CRPPA: variants seen among roughly 807,000 people sequenced by gnomAD.
CRPPA encodes CDP-L-ribitol pyrophosphorylase A.
A neutral mutation model predicts 52.0 loss-of-function variants in CRPPA; 43 were observed. That is an observed-to-expected ratio of 0.83 (90% CI 0.65 to 1.07). The LOEUF is 1.07. CRPPA is among the 50% of genes least tolerant of loss of function. CRPPA has a pLI of 0.00. For synonymous variants in CRPPA, 250 were observed against 203.5 expected (o/e 1.23, Z -1.94); for missense variants, 629 against 551.7 (o/e 1.14, Z -1.40).
At chr7:16,168,945 C>G (rs1397642427) in intron 9 of CRPPA, among the ~76,000 whole-genome samples, 1 of 152,106 alleles carries the variant, frequency 6.6e-6, no homozygotes, top group Non-Finnish European at 1.5e-5. Flanking sequence ...AGGGGCTTCT[C>G]AAAATCACAA....
intron 3 of CRPPA, among the ~76,000 whole-genome samples, chr7:16,311,646 T>C (rs778386560): frequency 1.4e-4 from 22 of 152,148 alleles, no homozygotes; most frequent in Non-Finnish European, 2.8e-4. Context: ...TGCAGGGTTT[T>C]AATGTGGACA....
chr7:16,102,888 A>G (rs1017978433), intron 9 of CRPPA, among the ~76,000 whole-genome samples: 108 of 152,322 alleles, frequency 7.1e-4, no homozygotes, highest in African/African-American at 2.4e-3. Flanking sequence ...ATTGTGGAAG[A>G]CAGTGTGGCA....
chr7:16,212,413 A>C (rs1782175424), intron 9 of CRPPA, among the ~76,000 whole-genome samples: 1 of 152,220 alleles, frequency 6.6e-6, no homozygotes, highest in South Asian at 2.1e-4. Context: ...TGCCACATTT[A>C]ATATGCTCCT....
intron 2 of CRPPA, among the ~76,000 whole-genome samples, chr7:16,387,062 T>TAC (rs1787295161): frequency 3.9e-5 from 3 of 77,052 alleles, no homozygotes; most frequent in African/African-American, 2.1e-4. Context: ...TATATATATA[T>TAC]ATATATATAT....
intron 6 of CRPPA, among the ~76,000 whole-genome samples, chr7:16,263,422 A>C (rs1783865553): frequency 1.3e-5 from 2 of 152,200 alleles, no homozygotes; most frequent in Admixed American, 6.5e-5. Context: ...TGTATTTCTT[A>C]AACTTTAACA....
intron 3 of CRPPA, among the ~76,000 whole-genome samples, chr7:16,329,268 G>A (rs1785492590): frequency 6.6e-6 from 1 of 152,178 alleles, no homozygotes; most frequent in Non-Finnish European, 1.5e-5. Flanking sequence ...TTCATTGCTA[G>A]CATTTCTACC....
chr7:16,366,338 C>G (rs150996465), intron 3 of CRPPA, among the ~76,000 whole-genome samples: 11 of 152,226 alleles, frequency 7.2e-5, no homozygotes, highest in African/African-American at 2.4e-4. Context: ...CATGAACAAA[C>G]ATACAAAGCT....
intron 3 of CRPPA, among the ~76,000 whole-genome samples, chr7:16,355,110 A>T (rs1353074172): frequency 3.3e-5 from 5 of 152,202 alleles, no homozygotes; most frequent in African/African-American, 4.8e-5. Context: ...AAGCATGTCC[A>T]TGTCGTAAGA....
intron 3 of CRPPA, among the ~76,000 whole-genome samples, chr7:16,359,303 T>C (rs1343325092): frequency 6.6e-6 from 1 of 152,132 alleles, no homozygotes; most frequent in Non-Finnish European, 1.5e-5. Flanking sequence ...TCATTTTAAA[T>C]TTCATTTCTG....
chr7:16,099,776 A>G (rs191963464), intron 9 of CRPPA, among the ~76,000 whole-genome samples: 1 of 152,340 alleles, frequency 6.6e-6, no homozygotes, highest in East Asian at 1.9e-4. Context: ...TCTTAAATCA[A>G]TCATAAAGTA....
intron 6 of CRPPA, chr7:16,266,444 C>T (rs1562596302): frequency 6.6e-6 from 1 of 151,646 alleles, no homozygotes; most frequent in Non-Finnish European, 1.5e-5. Flanking sequence ...CCTTGAGCAC[C>T]TGACACAAAG....
At chr7:16,099,581 C>G (rs1011633608) in intron 9 of CRPPA, among the ~76,000 whole-genome samples, 2 of 151,964 alleles carry the variant, frequency 1.3e-5, no homozygotes, top group Non-Finnish European at 2.9e-5. Flanking sequence ...AAGGCAGCAC[C>G]GATACTTTAC....
chr7:16,361,069 C>G (rs1786430844), intron 3 of CRPPA, among the ~76,000 whole-genome samples: 1 of 151,964 alleles, frequency 6.6e-6, no homozygotes, highest in South Asian at 2.1e-4. Flanking sequence ...GTCATTTCTC[C>G]CAAGAAGATA....
chr7:16,378,379 C>A (rs914318342), intron 2 of CRPPA, among the ~76,000 whole-genome samples: 1 of 149,538 alleles, frequency 6.7e-6, no homozygotes, highest in African/African-American at 2.5e-5. Context: ...TTTGTACTTG[C>A]GATAGTTTAC....
chr7:16,416,639 A>T (rs945716952), intron 1 of CRPPA, among the ~76,000 whole-genome samples: 1 of 151,932 alleles, frequency 6.6e-6, no homozygotes, highest in Non-Finnish European at 1.5e-5. Context: ...GCTCAAGACC[A>T]GCCTGCCCAA....
intron 1 of CRPPA, among the ~76,000 whole-genome samples, chr7:16,416,472 G>C (rs935766402): frequency 5.3e-5 from 8 of 152,110 alleles, no homozygotes. Context: ...AAGAATTTCT[G>C]ACTAAGTCCT....
At chr7:16,377,232 A>G (rs1206467663) in intron 2 of CRPPA, among the ~76,000 whole-genome samples, 1 of 152,138 alleles carries the variant, frequency 6.6e-6, no homozygotes, top group Non-Finnish European at 1.5e-5. Context: ...CCAGTGCCTC[A>G]AGCAGAAATT....
chr7:16,289,910 TA>T (rs1048129359), intron 5 of CRPPA, among the ~76,000 whole-genome samples: 6 of 152,216 alleles, frequency 3.9e-5, no homozygotes, highest in African/African-American at 1.4e-4. Context: ...GACATAATCT[TA>T]TATTTAGAAA....
intron 2 of CRPPA, among the ~76,000 whole-genome samples, chr7:16,378,210 T>C (rs1786955194): frequency 6.6e-6 from 1 of 151,656 alleles, no homozygotes; most frequent in South Asian, 2.1e-4. Context: ...GCTGTACCCA[T>C]TAACTTGTTA....
Sources: allele counts gnomAD v4.1 joint callset (sites outside exome capture counted in the v4.1 genomes callset), GRCh38; gene constraint gnomAD v4.1.1; transcripts MANE v1.5; gene names NCBI Gene and HGNC (gene_info 2026-07-23, HGNC 2026-07-21).